The following MRPS9 variants were observed in gnomAD, a reference collection of about 807,000 sequenced individuals.
MRPS9 encodes small ribosomal subunit protein uS9m.
A neutral mutation model predicts 59.9 loss-of-function variants in MRPS9; 45 were observed. That is an observed-to-expected ratio of 0.75 (90% CI 0.59 to 0.96). MRPS9 has a LOEUF of 0.96. Among genes scored for constraint, MRPS9 ranks in the 40% least tolerant of loss-of-function variants. The pLI, the probability that MRPS9 is intolerant of heterozygous loss-of-function variation, is 0.00. For missense variants in MRPS9, 473 were observed against 481.1 expected, an observed-to-expected ratio of 0.98 and a Z score of 0.16; for synonymous variants, 171 against 166.8, an observed-to-expected ratio of 1.03 and a Z score of -0.19.
chr2:105,059,644 A>G (rs1333011070), intron 2 of MRPS9, among the ~76,000 whole-genome samples: 1 of 151,690 alleles, frequency 6.6e-6, no homozygotes, highest in Non-Finnish European at 1.5e-5. Flanking sequence ...AGGTTGGTTT[A>G]GGAGTGAAAA....
rs945331207 is a variant in MRPS9, at chr2:105,038,174, C to G, written c.82C>G (p.Gln28Glu). 3 of 1,613,402 alleles carry G rather than the reference C, an allele frequency of 1.9e-6. No individual in the cohort carries two copies. The highest frequency in any genetic ancestry group is 2.5e-6 in the Non-Finnish European group (3 of 1,179,788). ...LWGRGSLARKQGLWKTAAPEL... is the reference protein window; with the variant it reads ...LWGRGSLARKEGLWKTAAPEL... ...GGGTAGGGGTAGCCTCGCCCGGAAGCAAGGCCTCTGGAAAACCGCGGCCCC... is the reference window on the plus strand; with the variant it reads ...GGGTAGGGGTAGCCTCGCCCGGAAGGAAGGCCTCTGGAAAACCGCGGCCCC... The change falls in exon 1 of 11, where the codon CAA becomes GAA. Residue 28 changes from glutamine (Q) to glutamate (E), a missense_variant. Gln to Glu is a conservative substitution (Grantham distance 29). Coordinates refer to ENST00000258455, the MANE Select transcript of MRPS9 (RefSeq NM_182640.3).
At chr2:105,064,341 GAAT>G (rs1679959404) in intron 2 of MRPS9, among the ~76,000 whole-genome samples, 1 of 140,624 alleles carries the variant, frequency 7.1e-6, no homozygotes, top group Non-Finnish European at 1.6e-5. Context: ...TACAGGACCA[GAAT>G]TATGGCTAGG....
rs146894873 is a variant in MRPS9 at position 105,083,669 on chromosome 2, A to G, written c.489+3607A>G. On this transcript the variant is annotated intron_variant, in intron 5 of 10. Transcript: ENST00000258455. Reference sequence around the variant, plus strand: ...CAGCTCTTCCCAAAGTGCTTTCTGCAGAATACAGACTGTGAAATATTCTTC... The same window carrying G: ...CAGCTCTTCCCAAAGTGCTTTCTGCGGAATACAGACTGTGAAATATTCTTC... Among the ~76,000 whole-genome samples, 623 of 152,312 alleles carry G rather than the reference A, an allele frequency of 4.1e-3. 5 individuals carry two copies. The highest frequency in any genetic ancestry group is 0.014 in the African/African-American group (589 of 41,550).
At chr2:105,053,600 G>C (rs1158187221) in intron 2 of MRPS9, among the ~76,000 whole-genome samples, 1 of 152,106 alleles carries the variant, frequency 6.6e-6, no homozygotes, top group African/African-American at 2.4e-5. Flanking sequence ...TTAATAGTTA[G>C]AGAAATCTAA....
intron 2 of MRPS9, among the ~76,000 whole-genome samples, chr2:105,057,413 CA>C (rs1679814656): frequency 6.6e-6 from 1 of 152,124 alleles, no homozygotes; most frequent in African/African-American, 2.4e-5. Flanking sequence ...TAACAGTATA[CA>C]TAACTGTTAG....
intron 7 of MRPS9, 90 bp from the exon 8 acceptor site, chr2:105,092,311 A>G (rs1680574376): frequency 1.7e-6 from 2 of 1,202,896 alleles, no homozygotes; most frequent in South Asian, 1.9e-5. Flanking sequence ...AGGAAAAGCA[A>G]CATTGGAAAG....
rs1185969764 is a variant in MRPS9, at chr2:105,049,184, GACAT to G, written c.152_155del (p.His51LeufsTer4). 6.2e-7 allele frequency: 1 copy of G among 1,601,358 alleles called. No homozygotes were observed. Among genetic ancestry groups the G allele is most frequent in the East Asian group, 2.2e-5 (1 of 44,732 alleles). Reference sequence around the variant, plus strand: ...ATTTTCTGTTAGATATTAAGGCTAAGACATACTGCATTTGTAATACCAAAGAAAA... The same window carrying G: ...ATTTTCTGTTAGATATTAAGGCTAAGACTGCATTTGTAATACCAAAGAAAA... On this transcript the variant is annotated frameshift_variant, in exon 2 of 11. Coordinates refer to ENST00000258455, the MANE Select transcript of MRPS9 (RefSeq NM_182640.3). LOFTEE classifies it high-confidence loss of function.
intron 4 of MRPS9, among the ~76,000 whole-genome samples, chr2:105,073,108 C>T (rs1233662229): frequency 1.2e-4 from 18 of 151,548 alleles, no homozygotes; most frequent in African/African-American, 3.9e-4. Flanking sequence ...TTTTTTTCTT[C>T]TTCTTCTTTA....
At chr2:105,078,730 T>C (rs571933251) in intron 4 of MRPS9, among the ~76,000 whole-genome samples, 38 of 152,350 alleles carry the variant, frequency 2.5e-4, no homozygotes, top group African/African-American at 9.1e-4. Flanking sequence ...GAAAAGCATG[T>C]ACTATTCAAA....
At chr2:105,071,229 C>A in intron 2 of MRPS9, 84 bp from the exon 3 acceptor site, 1 of 1,045,696 alleles carries the variant, frequency 9.6e-7, no homozygotes, top group Non-Finnish European at 1.4e-6. Context: ...GTTCAATGTC[C>A]AGCATATAGA....
intron 2 of MRPS9, among the ~76,000 whole-genome samples, chr2:105,056,207 T>TTTG (rs1553440757): frequency 6.9e-6 from 1 of 144,616 alleles, no homozygotes; most frequent in Non-Finnish European, 1.5e-5. Flanking sequence ...TTTTTTTTTT[T>TTTG]TAACAATACT....
rs116835758 is a variant in MRPS9, at chr2:105,083,932, C to A, written c.489+3870C>A. 2.8e-3 allele frequency among the ~76,000 whole-genome samples: 432 copies of A among 152,216 alleles called. 3 individuals are homozygous for A. Among genetic ancestry groups the A allele is most frequent in the African/African-American group, 9.8e-3 (408 of 41,524 alleles). ...ACCATAGTACAGAATATTGAAAACT[C>A]TATATATTGTCATTGTAGGCATTAC... On this transcript the variant is annotated intron_variant, in intron 5 of 10. Coordinates refer to ENST00000258455, the MANE Select transcript of MRPS9 (RefSeq NM_182640.3).
In MRPS9 at chr2:105,089,082, C is replaced by G. The variant is rs764826570; in HGVS notation, c.575+13C>G. On this transcript the variant is annotated intron_variant, in intron 6 of 10. Coordinates refer to ENST00000258455, the MANE Select transcript of MRPS9 (RefSeq NM_182640.3). The stretch of plus-strand genomic sequence containing the variant: ...AAACTGTAACCAGGTAAGCTCTTTT[C>G]TTGCATTAAAATATAAGTAAAATTT... 2 of 1,591,872 alleles carry G rather than the reference C, an allele frequency of 1.3e-6. No homozygotes were observed. The highest frequency in any genetic ancestry group is 3.5e-5 in the Admixed American group (2 of 57,504).
rs927984392 is a variant in MRPS9, at chr2:105,038,184, G to A, written c.92G>A (p.Trp31Ter). The change falls in exon 1 of 11, where the codon TGG becomes TAG. Residue 31 changes from tryptophan (W) to a stop codon, truncating the protein, a stop_gained. Coordinates refer to ENST00000258455, the MANE Select transcript of MRPS9 (RefSeq NM_182640.3). LOFTEE classifies it high-confidence loss of function. ...AGCCTCGCCCGGAAGCAAGGCCTCT[G>A]GAAAACCGCGGCCCCTGAGTTGCAA... is the stretch of plus-strand genomic sequence containing the variant. ...RGSLARKQGL[W>*]KTAAPELQTN... The A allele has an allele frequency of 6.2e-7, 1 of 1,613,148 alleles. No homozygotes were observed.
At chr2:105,046,009 C>T (rs937344049) in intron 1 of MRPS9, among the ~76,000 whole-genome samples, 2 of 151,958 alleles carry the variant, frequency 1.3e-5, no homozygotes, top group Non-Finnish European at 2.9e-5. Context: ...GTATTACAGG[C>T]GCACACCACC....
chr2:105,090,061 T>A, intron 7 of MRPS9, 66 bp downstream of exon 7: 1 of 870,924 alleles, frequency 1.1e-6, no homozygotes. Context: ...TTGCTGTATT[T>A]AGGATCCTAA....
chr2:105,092,575 G>T lies in MRPS9; in HGVS notation c.820+6G>T. 1 of 1,548,816 alleles carries T rather than the reference G, an allele frequency of 6.5e-7. No individual in the cohort carries two copies. Among genetic ancestry groups the T allele is most frequent in the Non-Finnish European group, 8.7e-7 (1 of 1,147,810 alleles). On this transcript the variant is annotated splice_donor_region_variant and intron_variant, in intron 8 of 10. Coordinates refer to ENST00000258455, the MANE Select transcript of MRPS9 (RefSeq NM_182640.3). ...GGCCTTTAGCAAAAGTGAAGGTAAT[G>T]ACATTCTGTGGAGAGAAAATAAATT...
At chr2:105,089,213 G>A in intron 6 of MRPS9, 144 bp downstream of exon 6, 2 of 543,118 alleles carry the variant, frequency 3.7e-6, no homozygotes, top group Non-Finnish European at 6.5e-6. Context: ...CAAAATAATA[G>A]ATAGTTTTTG....
intron 2 of MRPS9, among the ~76,000 whole-genome samples, chr2:105,070,447 C>T (rs1387307016): frequency 6.6e-6 from 1 of 152,228 alleles, no homozygotes; most frequent in South Asian, 2.1e-4. Flanking sequence ...TGCGGGTAGG[C>T]AGAGAAGGCC....
Sources: allele counts gnomAD v4.1 joint callset (sites outside exome capture counted in the v4.1 genomes callset), GRCh38; gene constraint gnomAD v4.1.1; transcripts MANE v1.5; gene names NCBI Gene and HGNC (gene_info 2026-07-23, HGNC 2026-07-21).